Variants in CLASP1 observed in about 807,000 individuals in gnomAD.
CLASP1 encodes cytoplasmic linker associated protein 1, also known as CLIP-associating protein 1.
In CLASP1, 38 loss-of-function variants were observed where a neutral mutation model predicts 192.3. The ratio of observed to expected loss-of-function variants is 0.20; its 90% CI spans 0.15 to 0.26. The LOEUF (loss-of-function observed/expected upper bound fraction) is 0.26, where lower values mean the gene tolerates loss of function less well. Among genes scored for constraint, CLASP1 ranks in the 10% least tolerant of loss-of-function variants. CLASP1 has a pLI of 1.00. For missense variants in CLASP1, 1,433 were observed against 1,932.5 expected, an observed-to-expected ratio of 0.74 and a Z score of 4.85; for synonymous variants, 691 against 712.8, an observed-to-expected ratio of 0.97 and a Z score of 0.49.
chr2:121,559,279 A>G lies in CLASP1; in HGVS notation c.196-28954T>C, dbSNP rs1219244414. ...TAAAATAATGTAGCCACTCTGGAAA[A>G]CAATCTAGCAGTTCCCCAAAATGTT... On this transcript the variant is annotated intron_variant, in intron 2 of 39. Transcript: ENST00000263710. Among the ~76,000 whole-genome samples the G allele has an allele frequency of 2.0e-5, 3 of 152,192 alleles. No individual in the cohort carries two copies. The South Asian group carries it at 6.2e-4, about 31-fold the overall frequency.
intron 31 of CLASP1, 33 bp downstream of exon 32, chr2:121,387,730 C>T: frequency 1.2e-6 from 2 of 1,611,772 alleles, no homozygotes; most frequent in Non-Finnish European, 1.7e-6. Context: ...TCATGGACAT[C>T]ACATAGGCAC....
At chr2:121,432,968 T>C (rs890551918) in intron 19 of CLASP1, among the ~76,000 whole-genome samples, 1 of 152,202 alleles carries the variant, frequency 6.6e-6, no homozygotes, top group Non-Finnish European at 1.5e-5. Flanking sequence ...CACTGTTGAC[T>C]CAAACAAGAT....
chr2:121,558,973 C>T (rs934638205), intron 2 of CLASP1, among the ~76,000 whole-genome samples: 4 of 152,152 alleles, frequency 2.6e-5, no homozygotes, highest in African/African-American at 4.8e-5. Flanking sequence ...ATCAATCCAC[C>T]GAACTGCACC....
At chr2:121,510,830 A>T (rs776205935) in intron 7 of CLASP1, among the ~76,000 whole-genome samples, 1 of 152,008 alleles carries the variant, frequency 6.6e-6, no homozygotes, top group Non-Finnish European at 1.5e-5. Flanking sequence ...AAATAATTTT[A>T]AAAATTAAAT....
chr2:121,547,564 G>C (rs2057586216), intron 2 of CLASP1, among the ~76,000 whole-genome samples: 1 of 151,982 alleles, frequency 6.6e-6, no homozygotes, highest in African/African-American at 2.4e-5. Context: ...CCCTTCCTCT[G>C]CTGCCCCCAA....
At chr2:121,632,266 T>C (rs1488885513) in intron 1 of CLASP1, among the ~76,000 whole-genome samples, 6 of 152,042 alleles carry the variant, frequency 3.9e-5, no homozygotes, top group Non-Finnish European at 8.8e-5. Flanking sequence ...GTATCTTGTA[T>C]TGCAGGCTGG....
intron 2 of CLASP1, among the ~76,000 whole-genome samples, chr2:121,557,960 A>T (rs1251883630): frequency 6.6e-6 from 1 of 151,518 alleles, no homozygotes; most frequent in African/African-American, 2.4e-5. Context: ...GGGCACCTGT[A>T]ATCCCAGCTA....
chr2:121,621,228 AAAG>A (rs1198008395), intron 1 of CLASP1, among the ~76,000 whole-genome samples: 1 of 152,170 alleles, frequency 6.6e-6, no homozygotes, highest in Non-Finnish European at 1.5e-5. Context: ...ATCAAAAAAA[AAAG>A]AAGAAAAAAG....
chr2:121,454,053 G>T (rs574862921), intron 14 of CLASP1, among the ~76,000 whole-genome samples: 1 of 152,018 alleles, frequency 6.6e-6, no homozygotes, highest in Non-Finnish European at 1.5e-5. Context: ...TGAGGGTGGC[G>T]GCATTTCTAT....
intron 2 of CLASP1, chr2:121,530,963 C>A (rs916717603): frequency 1.4e-6 from 1 of 700,430 alleles, no homozygotes; most frequent in South Asian, 1.5e-5. Context: ...AACACACCCG[C>A]ATCAACTAGA....
intron 8 of CLASP1, among the ~76,000 whole-genome samples, chr2:121,471,329 C>A (rs1382042042): frequency 6.6e-6 from 1 of 152,024 alleles, no homozygotes; most frequent in Non-Finnish European, 1.5e-5. Context: ...CATATTTATG[C>A]AAACACTTTA....
At chr2:121,451,279 A>T (rs964142076) in intron 15 of CLASP1, among the ~76,000 whole-genome samples, 6 of 152,346 alleles carry the variant, frequency 3.9e-5, no homozygotes, top group South Asian at 4.1e-4. Flanking sequence ...CTGATTTTTT[A>T]AAAATGTGCA....
rs527605481 is a variant in CLASP1 at position 121,545,957 on chromosome 2, T to G, written c.196-15632A>C. The stretch of plus-strand genomic sequence containing the variant: ...TAATTGGATTTATAGTTCTATAGAA[T>G]GAGAGCTTCAAAAACACCTTTTAAA... On this transcript the variant is annotated intron_variant, in intron 2 of 39. Transcript: ENST00000263710. Among the ~76,000 whole-genome samples the G allele has an allele frequency of 7.4e-4, 113 of 152,196 alleles. 1 individual carries two copies. Among genetic ancestry groups the G allele is most frequent in the South Asian group, 4.2e-3 (20 of 4,814 alleles).
At chr2:121,348,693 G>A (rs779710005) in exon 38 of CLASP1, 3 of 1,611,628 alleles carry the variant, frequency 1.9e-6, no homozygotes, top group South Asian at 2.2e-5. Context: ...CAGTGTGGAC[G>A]CAGCCTCCTC....
intron 2 of CLASP1, among the ~76,000 whole-genome samples, chr2:121,564,224 C>CA: frequency 6.6e-6 from 1 of 152,012 alleles, no homozygotes; most frequent in East Asian, 1.9e-4. Context: ...TGAGGAAAAA[C>CA]AAAAAAAGGT....
At chr2:121,531,665 A>C (rs375848997) in intron 2 of CLASP1, among the ~76,000 whole-genome samples, 1 of 150,974 alleles carries the variant, frequency 6.6e-6, no homozygotes, top group African/African-American at 2.4e-5. Flanking sequence ...CTCAGGAGAT[A>C]GAGACCATCC....
At chr2:121,445,500 G>C in intron 19 of CLASP1, 1 of 1,288,352 alleles carries the variant, frequency 7.8e-7, no homozygotes, top group Non-Finnish European at 1.0e-6. Flanking sequence ...CTGGACTCTA[G>C]AAGTTTGGAA....
At chr2:121,555,976 C>T (rs908594481) in intron 2 of CLASP1, among the ~76,000 whole-genome samples, 3 of 147,634 alleles carry the variant, frequency 2.0e-5, no homozygotes, top group Non-Finnish European at 4.5e-5. Context: ...GGCGCCTGCC[C>T]CCTACCCACC....
chr2:121,404,142 G>C (rs1448256713), intron 26 of CLASP1, among the ~76,000 whole-genome samples: 2 of 152,152 alleles, frequency 1.3e-5, no homozygotes, highest in Non-Finnish European at 2.9e-5. Context: ...TTCTCTCCCT[G>C]ATAACATTTA....
Sources: gnomAD v4.1 joint callset for allele counts (sites outside exome capture counted in the v4.1 genomes callset) on GRCh38, gnomAD v4.1.1 for gene constraint, MANE v1.5 for transcripts, NCBI Gene and HGNC (gene_info 2026-07-23, HGNC 2026-07-21) for gene names.